Variants in EML6 observed in about 807,000 individuals in gnomAD.
The protein encoded by EML6 is EMAP like 6.
A neutral mutation model predicts 240.1 loss-of-function variants in EML6; 154 were observed. The observed-to-expected ratio is 0.64, with a 90% CI of 0.56 to 0.73. EML6 has a LOEUF of 0.73. EML6 is among the 30% of genes least tolerant of loss of function. The pLI is 0.00. For synonymous variants in EML6, 1,148 were observed against 899.0 expected (o/e 1.28, Z -4.95); for missense variants, 2,964 against 2,474.6 (o/e 1.20, Z -4.20).
intron 5 of EML6, among the ~76,000 whole-genome samples, chr2:54,826,417 G>A (rs1486300995): frequency 6.6e-6 from 1 of 152,192 alleles, no homozygotes; most frequent in South Asian, 2.1e-4. Context: ...TGGCCAACAT[G>A]GTGAAACCCC....
chr2:54,928,452 G>C lies in EML6; in HGVS notation c.3815G>C (p.Gly1272Ala), dbSNP rs1334880275. The C allele has an allele frequency of 2.6e-6, 4 of 1,550,352 alleles. No individual in the cohort carries two copies. Among genetic ancestry groups the C allele is most frequent in the Non-Finnish European group, 2.6e-6 (3 of 1,146,122 alleles). ...ATGATCTGGACCAGGGAGTTTGTGG[G>C]GACCCAGGAGAGCAAGCTGGTGGAC... ...ALMIWTREFV[G>A]TQESKLVDSE... The change falls in exon 27 of 42, where the codon GGG becomes GCG. Residue 1272 changes from glycine to alanine, a missense_variant. Physicochemically the swap from Gly to Ala is moderately conservative, Grantham distance 60 (BLOSUM62 0). Coordinates refer to ENST00000356458, the MANE Select transcript of EML6 (RefSeq NM_001039753.4).
chr2:54,745,680 C>G (rs1157026780), intron 2 of EML6, among the ~76,000 whole-genome samples: 1 of 152,096 alleles, frequency 6.6e-6, no homozygotes, highest in Non-Finnish European at 1.5e-5. Flanking sequence ...GCTTGGGAGG[C>G]TGAGGAGAGA....
intron 2 of EML6, among the ~76,000 whole-genome samples, chr2:54,742,785 G>C (rs1409543704): frequency 7.2e-5 from 11 of 152,148 alleles, no homozygotes. Flanking sequence ...GCTTTGCAAA[G>C]TGAGTTGAAG....
intron 2 of EML6, among the ~76,000 whole-genome samples, chr2:54,788,191 C>T (rs1361089014): frequency 6.6e-6 from 1 of 152,258 alleles, no homozygotes; most frequent in Non-Finnish European, 1.5e-5. Context: ...TCGCTAGCTG[C>T]CCACTTACTG....
chr2:54,739,854 C>T (rs1683554327), intron 2 of EML6, among the ~76,000 whole-genome samples: 1 of 152,150 alleles, frequency 6.6e-6, no homozygotes, highest in Non-Finnish European at 1.5e-5. Context: ...TTGAAGTAAT[C>T]CAGGTGTGAA....
intron 26 of EML6, among the ~76,000 whole-genome samples, chr2:54,926,327 C>T (rs1363327845): frequency 6.6e-6 from 1 of 152,246 alleles, no homozygotes; most frequent in Non-Finnish European, 1.5e-5. Flanking sequence ...GTCTTGAACT[C>T]CTGACCTCAA....
At chr2:54,850,442 G>C (rs12713279) in intron 10 of EML6, 1 of 497,460 alleles carries the variant, frequency 2.0e-6, no homozygotes, top group Non-Finnish European at 3.6e-6. Flanking sequence ...TAAACTAAAA[G>C]TTGCTGCACA....
chr2:54,759,005 A>G (rs1667862076), intron 2 of EML6, among the ~76,000 whole-genome samples: 1 of 151,886 alleles, frequency 6.6e-6, no homozygotes, highest in Non-Finnish European at 1.5e-5. Flanking sequence ...ACACTTGAAA[A>G]CAAAAAATAG....
intron 16 of EML6, among the ~76,000 whole-genome samples, chr2:54,874,658 G>A (rs780658403): frequency 6.6e-6 from 1 of 152,164 alleles, no homozygotes; most frequent in Non-Finnish European, 1.5e-5. Context: ...TGACTGATAC[G>A]TGATTCATTA....
chr2:54,756,491 G>T (rs373505799), intron 2 of EML6, among the ~76,000 whole-genome samples: 1 of 151,940 alleles, frequency 6.6e-6, no homozygotes, highest in Non-Finnish European at 1.5e-5. Context: ...TTGGGTTTTG[G>T]TCCTGATTTT....
At chr2:54,903,623 A>C in intron 24 of EML6, 121 bp downstream of exon 24, 1 of 720,894 alleles carries the variant, frequency 1.4e-6, no homozygotes, top group Non-Finnish European at 2.1e-6. Context: ...TCCCACAACA[A>C]TATAAACGAC....
rs114689153 is a variant in EML6 at position 54,962,166 on chromosome 2, A to C, written c.4969-357A>C. ...GGTACCATCATCATAGCTCACTGCA[A>C]CCTCAAATTCCTGGGCTCAAGCAAT... On this transcript the variant is annotated intron_variant, in intron 35 of 41. Coordinates refer to ENST00000356458, the MANE Select transcript of EML6 (RefSeq NM_001039753.4). Among the ~76,000 whole-genome samples, 384 of 150,228 alleles carry C rather than the reference A, an allele frequency of 2.6e-3. 5 individuals are homozygous for C. The highest frequency in any genetic ancestry group is 8.3e-3 in the African/African-American group (339 of 40,796).
Position 54,957,839 on chromosome 2 carries a change from G to A in EML6, c.4536G>A (p.Val1512=). Residue 1512 remains valine (V), a synonymous_variant, in exon 33 of 42, where the codon GTG becomes GTA. Coordinates refer to ENST00000356458, the MANE Select transcript of EML6 (RefSeq NM_001039753.4). The part of the protein sequence containing the change: ...RGGHLERIFV[V]EFRPDSDTQF... ...GTCACCTGGAGCGCATATTTGTGGTGGAATTTCGCCCCGACTCAGACACGC... is the reference window on the plus strand; with the variant it reads ...GTCACCTGGAGCGCATATTTGTGGTAGAATTTCGCCCCGACTCAGACACGC... 1 of 1,550,576 alleles carries A rather than the reference G, an allele frequency of 6.4e-7. No homozygotes were observed. Among genetic ancestry groups the A allele is most frequent in the South Asian group, 1.2e-5 (1 of 83,994 alleles).
At chr2:54,871,922 C>T (rs1671279354) in intron 16 of EML6, among the ~76,000 whole-genome samples, 1 of 152,172 alleles carries the variant, frequency 6.6e-6, no homozygotes, top group Non-Finnish European at 1.5e-5. Flanking sequence ...ATTTGAAATC[C>T]AGAGCAGCTG....
chr2:54,763,326 T>A (rs1299524274), intron 2 of EML6, among the ~76,000 whole-genome samples: 1 of 152,248 alleles, frequency 6.6e-6, no homozygotes, highest in Non-Finnish European at 1.5e-5. Flanking sequence ...ATGTTATTCA[T>A]TTTAAATAAA....
intron 35 of EML6, among the ~76,000 whole-genome samples, chr2:54,961,189 T>TTTTTTTTTTTTTTTTTTTTTTTTTTTG (rs1558729617): frequency 9.3e-6 from 1 of 108,030 alleles, no homozygotes; most frequent in African/African-American, 3.8e-5. Flanking sequence ...AAGTAGTTTT[T>TTTTTTTTTTTTTTTTTTTTTTTTTTTG]TTTTTTTTTT....
At chr2:54,900,884 C>G (rs1054002065) in intron 22 of EML6, among the ~76,000 whole-genome samples, 1 of 152,136 alleles carries the variant, frequency 6.6e-6, no homozygotes, top group African/African-American at 2.4e-5. Context: ...CTTGGAAATG[C>G]TTCATCAGAG....
intron 7 of EML6, among the ~76,000 whole-genome samples, chr2:54,843,351 C>A (rs1259953698): frequency 6.6e-6 from 1 of 152,034 alleles, no homozygotes; most frequent in African/African-American, 2.4e-5. Context: ...TTACTTTGAG[C>A]CCCGGAAGTC....
intron 32 of EML6, among the ~76,000 whole-genome samples, chr2:54,955,755 C>T (rs773360368): frequency 1.3e-5 from 2 of 152,150 alleles, no homozygotes; most frequent in Admixed American, 6.5e-5. Flanking sequence ...AACAAGCTCC[C>T]GAGGAAAAGA....
Sources: gnomAD v4.1 joint callset for allele counts (sites outside exome capture counted in the v4.1 genomes callset) on GRCh38, gnomAD v4.1.1 for gene constraint, MANE v1.5 for transcripts, NCBI Gene and HGNC (gene_info 2026-07-23, HGNC 2026-07-21) for gene names.